SPATA31F1: variants seen among roughly 807,000 people sequenced by gnomAD.
SPATA31F1 encodes SPATA31 subfamily F member 1.
At chr9:34,723,747 C>A in the SPATA31F1 span, 762,049 of 1,551,436 alleles carry the variant, frequency 0.49, 194,011 homozygotes, top group East Asian at 0.63. Flanking sequence ...CCCTGTGAAG[C>A]CTGGGGCAAC....
chr9:34,728,570 C>A, the SPATA31F1 span: 1 of 1,544,260 alleles, frequency 6.5e-7, no homozygotes, highest in South Asian at 1.2e-5. Flanking sequence ...GGGAAACACC[C>A]ACAGTGGAAG....
chr9:34,728,151 A>G, the SPATA31F1 span: 1 of 1,410,674 alleles, frequency 7.1e-7, no homozygotes, highest in Non-Finnish European at 9.7e-7. Context: ...GAAGCTGAAT[A>G]GTAAGGCCTT....
At chr9:34,724,185 G>T in the SPATA31F1 span, 2 of 1,551,406 alleles carry the variant, frequency 1.3e-6, no homozygotes, top group Admixed American at 3.9e-5. Context: ...TCCAGGCTGG[G>T]TTTGTTCACA....
At chr9:34,724,146 G>A in the SPATA31F1 span, 1 of 1,549,386 alleles carries the variant, frequency 6.5e-7, no homozygotes, top group Non-Finnish European at 8.7e-7. Context: ...CTCTTGCTAG[G>A]GCTTTGAGGC....
chr9:34,723,579 G>A, the SPATA31F1 span: 2 of 1,551,780 alleles, frequency 1.3e-6, no homozygotes, highest in African/African-American at 1.4e-5. Context: ...GGGTTAATAT[G>A]CTGCAGAAAA....
the SPATA31F1 span, among the ~76,000 whole-genome samples, chr9:34,729,002 A>G: frequency 7.2e-5 from 11 of 152,184 alleles, no homozygotes; most frequent in African/African-American, 2.7e-4. Context: ...CCAACCGGAA[A>G]AATCCCCCAT....
chr9:34,728,024 T>C, the SPATA31F1 span: 1 of 1,552,144 alleles, frequency 6.4e-7, no homozygotes, highest in Non-Finnish European at 8.7e-7. Context: ...TAGATCACCT[T>C]TTAATGATGG....
the SPATA31F1 span, chr9:34,723,573 T>G: frequency 1.3e-6 from 2 of 1,551,764 alleles, no homozygotes; most frequent in East Asian, 4.9e-5. Flanking sequence ...GTCTTGGGGT[T>G]AATATGCTGC....
the SPATA31F1 span, chr9:34,726,892 T>C: frequency 3.9e-6 from 6 of 1,551,750 alleles, no homozygotes; most frequent in South Asian, 1.2e-5. Context: ...CCACCAGCAA[T>C]TGCTGAATCT....
chr9:34,726,771 A>T, the SPATA31F1 span: 1 of 1,551,702 alleles, frequency 6.4e-7, no homozygotes, highest in Admixed American at 2.0e-5. Flanking sequence ...GTGTGCCAGG[A>T]ATGAAACTCC....
chr9:34,726,842 A>C, the SPATA31F1 span: 8 of 1,551,800 alleles, frequency 5.2e-6, no homozygotes, highest in East Asian at 1.7e-4. Flanking sequence ...GGAGCCCTGC[A>C]ATGGCCCCGA....
the SPATA31F1 span, chr9:34,723,308 G>A: frequency 1.3e-6 from 2 of 1,551,728 alleles, no homozygotes; most frequent in Non-Finnish European, 8.7e-7. Flanking sequence ...GTAGCCCAGG[G>A]CTGAGGCAGA....
the SPATA31F1 span, chr9:34,723,343 G>C: frequency 1.9e-6 from 3 of 1,551,698 alleles, no homozygotes; most frequent in South Asian, 3.6e-5. Flanking sequence ...AGTGTAGCCG[G>C]AGCTTATCGT....
chr9:34,723,297 G>C, the SPATA31F1 span: 1 of 1,551,732 alleles, frequency 6.4e-7, no homozygotes, highest in South Asian at 1.2e-5. Context: ...CAGTGGCGGG[G>C]GTAGCCCAGG....
chr9:34,727,863 C>T, the SPATA31F1 span, among the ~76,000 whole-genome samples: 11 of 152,200 alleles, frequency 7.2e-5, no homozygotes, highest in Admixed American at 5.9e-4. Context: ...ATGTGAACCC[C>T]ACTCTTCCCT....
At chr9:34,727,583 C>T in the SPATA31F1 span, among the ~76,000 whole-genome samples, 194 of 152,188 alleles carry the variant, frequency 1.3e-3, no homozygotes, top group African/African-American at 4.1e-3. Context: ...AAGACAGAAC[C>T]GGAGGAGGTC....
chr9:34,726,185 A>G, the SPATA31F1 span: 497,868 of 1,102,674 alleles, frequency 0.45, 195,398 homozygotes, highest in South Asian at 0.71. Flanking sequence ...AATGGTCTCA[A>G]ATCTATGAAG....
At chr9:34,723,471 C>G in the SPATA31F1 span, 1 of 1,551,824 alleles carries the variant, frequency 6.4e-7, no homozygotes, top group East Asian at 2.4e-5. Flanking sequence ...GGGCTCTTGG[C>G]TGGAGCCAGG....
At chr9:34,726,936 G>A in the SPATA31F1 span, 1 of 1,551,592 alleles carries the variant, frequency 6.4e-7, no homozygotes, top group East Asian at 2.4e-5. Flanking sequence ...TGGCAGCAGG[G>A]ATCTGCACAC....
Sources: gnomAD v4.1 joint callset for allele counts (sites outside exome capture counted in the v4.1 genomes callset) on GRCh38, gnomAD v4.1.1 for gene constraint, MANE v1.5 for transcripts, NCBI Gene and HGNC (gene_info 2026-07-23, HGNC 2026-07-21) for gene names.